The following EPB41L4B variants were observed in gnomAD, a reference collection of about 807,000 sequenced individuals.
EPB41L4B encodes band 4.1-like protein 4B.
EPB41L4B carries 30 observed loss-of-function variants against 112.5 expected under a neutral mutation model. That is an observed-to-expected ratio of 0.27 (90% CI 0.20 to 0.36). The LOEUF (loss-of-function observed/expected upper bound fraction) is 0.36. Among genes scored for constraint, EPB41L4B ranks in the 10% least tolerant of loss-of-function variants. The probability of loss-of-function intolerance (pLI) is 1.00; values close to 1 mark genes in which losing one functional copy is unlikely to be tolerated. For synonymous variants in EPB41L4B, 408 were observed against 439.7 expected, an observed-to-expected ratio of 0.93 and a Z score of 0.90; for missense variants, 1,024 against 1,133.3, an observed-to-expected ratio of 0.90 and a Z score of 1.38.
chr9:109,266,986 A>G (rs28719620), intron 4 of EPB41L4B, among the ~76,000 whole-genome samples: 5,005 of 150,966 alleles, frequency 0.033, 285 homozygotes, highest in African/African-American at 0.11. Context: ...AAAAAAAAAA[A>G]AAAAAAAGAA....
At chr9:109,201,806 G>C (rs976110023) in intron 19 of EPB41L4B, among the ~76,000 whole-genome samples, 4 of 152,042 alleles carry the variant, frequency 2.6e-5, no homozygotes, top group Non-Finnish European at 5.9e-5. Flanking sequence ...AGTCGAGGCC[G>C]GGTCATATGG....
intron 2 of EPB41L4B, among the ~76,000 whole-genome samples, chr9:109,276,771 G>A (rs1227003689): frequency 5.3e-5 from 8 of 152,218 alleles, no homozygotes; most frequent in African/African-American, 1.9e-4. Flanking sequence ...TTGGCTTTCT[G>A]GGAATCTGAG....
At position 109,320,412 on chromosome 9, in the gene EPB41L4B, C is replaced by A. The variant is rs1360779247; in HGVS notation, c.35G>T (p.Arg12Leu). ...GCCCCGCGCGTAGCGCTGCATGGAGCGGCGGCCAAAGGTCCGGCGCAGGAA... is the reference window on the plus strand; with the variant it reads ...GCCCCGCGCGTAGCGCTGCATGGAGAGGCGGCCAAAGGTCCGGCGCAGGAA... ...LRFLRRTFGR[R>L]SMQRYARGAA... Residue 12 changes from arginine (R) to leucine (L), a missense_variant, in exon 1 of 26, where the codon CGC (arginine) becomes CTC (leucine). By Grantham distance (102) the Arg-to-Leu change is moderately radical. Transcript: ENST00000374566. 12 of 989,834 alleles carry A rather than the reference C, an allele frequency of 1.2e-5. No individual in the cohort carries two copies. Among genetic ancestry groups the A allele is most frequent in the African/African-American group, 1.8e-5 (1 of 56,738 alleles). The allele number at this position is 989,834 out of a possible 1,614,324, so 61.3% of individuals were successfully genotyped here.
chr9:109,196,275 T>C (rs1045770915), intron 20 of EPB41L4B: 1 of 152,104 alleles, frequency 6.6e-6, no homozygotes, highest in Non-Finnish European at 1.5e-5. Context: ...TCTGTATGAG[T>C]CCAATTTTAG....
chr9:109,293,700 A>T (rs1209585341), intron 1 of EPB41L4B, among the ~76,000 whole-genome samples: 2 of 19,096 alleles, frequency 1.0e-4, no homozygotes, highest in Non-Finnish European at 1.8e-4. Flanking sequence ...CACATTCTTA[A>T]AAAAAAAAAA....
At position 109,253,526 on chromosome 9, in the gene EPB41L4B, T is replaced by G; in HGVS notation, c.1194A>C (p.Thr398=). 1.2e-6 allele frequency: 2 copies of G among 1,613,520 alleles called. No homozygotes were observed. The highest frequency in any genetic ancestry group is 1.7e-6 in the Non-Finnish European group (2 of 1,179,430). The change falls in exon 12 of 26, where the codon ACA becomes ACC. Residue 398 remains threonine, a synonymous_variant. Transcript: ENST00000374566. ...RFSGRTEYQA[T]HGSRLRRTST... ...TGGTTCTTCGTAACCTGGAGCCATG[T>G]GTAGCTTGATATTCTGTCCGCCCAC...
chr9:109,225,589 AG>A (rs1184354877), intron 15 of EPB41L4B, among the ~76,000 whole-genome samples: 2 of 152,358 alleles, frequency 1.3e-5, no homozygotes, highest in African/African-American at 4.8e-5. Flanking sequence ...ATCTCCCACC[AG>A]GTCCTTTCCA....
At chr9:109,197,350 G>T (rs955199859) in intron 20 of EPB41L4B, among the ~76,000 whole-genome samples, 12 of 152,234 alleles carry the variant, frequency 7.9e-5, no homozygotes, top group African/African-American at 2.6e-4. Context: ...TTGAACCTAG[G>T]GGGCGGAGGC....
At chr9:109,312,876 C>G (rs1837469587) in intron 1 of EPB41L4B, among the ~76,000 whole-genome samples, 2 of 152,142 alleles carry the variant, frequency 1.3e-5, no homozygotes, top group Admixed American at 6.5e-5. Context: ...ACCTGCTGTT[C>G]CCTCCACCCA....
intron 15 of EPB41L4B, among the ~76,000 whole-genome samples, chr9:109,227,023 A>G (rs1833806633): frequency 6.6e-6 from 1 of 151,464 alleles, no homozygotes; most frequent in African/African-American, 2.4e-5. Flanking sequence ...TTTTTTTTAT[A>G]GAGACAGGGT....
intron 6 of EPB41L4B, among the ~76,000 whole-genome samples, chr9:109,261,222 G>A (rs1288054263): frequency 6.6e-6 from 1 of 151,978 alleles, no homozygotes; most frequent in Non-Finnish European, 1.5e-5. Flanking sequence ...GAAGCACTGA[G>A]CACTGTATTT....
Position 109,296,386 on chromosome 9 carries a change from G to A in EPB41L4B, c.307-16465C>T, listed in dbSNP as rs1205725855. Among the ~76,000 whole-genome samples the A allele has an allele frequency of 2.6e-5, 4 of 152,272 alleles. No individual in the cohort carries two copies. The East Asian group carries it at 7.7e-4, about 29-fold the overall frequency. On this transcript the variant is annotated intron_variant, in intron 1 of 25. Coordinates refer to ENST00000374566, the MANE Select transcript of EPB41L4B (RefSeq NM_019114.5). ...TGCAGTGCACTGAAGACATGGACTC[G>A]GGAGTCAGCAGGTGAGAGTTTGAAT...
intron 1 of EPB41L4B, among the ~76,000 whole-genome samples, chr9:109,315,232 CCT>C (rs1466559867): frequency 6.6e-6 from 1 of 152,144 alleles, no homozygotes; most frequent in Admixed American, 6.5e-5. Context: ...GGTGTAGCTG[CCT>C]CTGTTCTCAC....
intron 15 of EPB41L4B, among the ~76,000 whole-genome samples, chr9:109,237,948 T>C (rs1834207834): frequency 6.6e-6 from 1 of 151,614 alleles, no homozygotes; most frequent in Admixed American, 6.6e-5. Flanking sequence ...TAGATTTCAG[T>C]GGAGTGAACT....
At chr9:109,269,988 T>C (rs769253845) in intron 2 of EPB41L4B, among the ~76,000 whole-genome samples, 3 of 152,192 alleles carry the variant, frequency 2.0e-5, no homozygotes, top group Non-Finnish European at 4.4e-5. Context: ...ACGTGGGTTG[T>C]GGGGCTTTTG....
chr9:109,254,110 T>A (rs535566779), intron 11 of EPB41L4B, among the ~76,000 whole-genome samples: 20 of 152,336 alleles, frequency 1.3e-4, no homozygotes, highest in African/African-American at 4.1e-4. Flanking sequence ...TGTCACCTGC[T>A]CTGTGTGCCT....
At chr9:109,315,146 A>G (rs527913822) in intron 1 of EPB41L4B, among the ~76,000 whole-genome samples, 19 of 152,222 alleles carry the variant, frequency 1.2e-4, no homozygotes, top group African/African-American at 4.6e-4. Flanking sequence ...ACCCCAGCTC[A>G]AAGACTGCCA....
chr9:109,249,931 G>A (rs532222509), intron 13 of EPB41L4B, among the ~76,000 whole-genome samples: 3 of 152,274 alleles, frequency 2.0e-5, no homozygotes, highest in South Asian at 2.1e-4. Flanking sequence ...TCAGAGATGC[G>A]AGGTTGAGTT....
At chr9:109,225,820 T>G (rs1314982307) in intron 15 of EPB41L4B, among the ~76,000 whole-genome samples, 1 of 152,130 alleles carries the variant, frequency 6.6e-6, no homozygotes, top group Non-Finnish European at 1.5e-5. Flanking sequence ...AGGGACTGCA[T>G]AGGGTGCTCT....
Sources: allele counts gnomAD v4.1 joint callset (sites outside exome capture counted in the v4.1 genomes callset), GRCh38; gene constraint gnomAD v4.1.1; transcripts MANE v1.5; gene names NCBI Gene and HGNC (gene_info 2026-07-23, HGNC 2026-07-21).